CNTNAP5: variants seen among roughly 807,000 people sequenced by gnomAD.
The protein encoded by CNTNAP5 is contactin associated protein family member 5, also known as contactin-associated protein-like 5.
Under a neutral mutation model 150.2 loss-of-function variants are expected in CNTNAP5, and 72 were observed. That is an observed-to-expected ratio of 0.48 (90% CI 0.40 to 0.58). CNTNAP5 has a LOEUF of 0.58. Among genes scored for constraint, CNTNAP5 ranks in the 20% least tolerant of loss-of-function variants. The pLI is 0.00. For synonymous variants in CNTNAP5, 672 were observed against 619.8 expected (o/e 1.08, Z -1.25); for missense variants, 1,636 against 1,626.2 (o/e 1.01, Z -0.10).
At chr2:124,337,879 A>G (rs1277196177) in intron 3 of CNTNAP5, among the ~76,000 whole-genome samples, 5 of 151,972 alleles carry the variant, frequency 3.3e-5, no homozygotes, top group African/African-American at 4.8e-5. Flanking sequence ...TTCCATATGA[A>G]CTTTAAAGTA....
chr2:124,735,705 C>T (rs967058702), intron 13 of CNTNAP5, among the ~76,000 whole-genome samples: 1 of 152,104 alleles, frequency 6.6e-6, no homozygotes, highest in African/African-American at 2.4e-5. Context: ...GGATTTGGAG[C>T]CATAAGATCT....
chr2:124,417,355 A>G (rs1691944823), intron 3 of CNTNAP5, 88 bp from the exon 4 acceptor site: 2 of 1,354,740 alleles, frequency 1.5e-6, no homozygotes, highest in Admixed American at 4.1e-5. Context: ...GTATGTTCTC[A>G]GTACGAGTTC....
At chr2:124,411,252 A>G (rs1436236208) in intron 3 of CNTNAP5, among the ~76,000 whole-genome samples, 1 of 152,140 alleles carries the variant, frequency 6.6e-6, no homozygotes, top group Non-Finnish European at 1.5e-5. Flanking sequence ...TACCAACCAA[A>G]AAGAGTCCAG....
At chr2:124,692,555 G>C (rs750636244) in intron 13 of CNTNAP5, among the ~76,000 whole-genome samples, 11 of 152,090 alleles carry the variant, frequency 7.2e-5, no homozygotes, top group African/African-American at 2.7e-4. Flanking sequence ...GTTGGAAGGG[G>C]GAAGGAAAGA....
intron 3 of CNTNAP5, among the ~76,000 whole-genome samples, chr2:124,391,171 A>T (rs905716702): frequency 6.6e-6 from 1 of 152,230 alleles, no homozygotes; most frequent in Non-Finnish European, 1.5e-5. Context: ...CTAGGAAATT[A>T]ACTAAAATAA....
intron 3 of CNTNAP5, among the ~76,000 whole-genome samples, chr2:124,333,306 A>G (rs1290717107): frequency 6.6e-6 from 1 of 151,862 alleles, no homozygotes; most frequent in Non-Finnish European, 1.5e-5. Context: ...ACACACAAAC[A>G]AAAAAACAAA....
At chr2:124,720,845 G>A (rs1680034291) in intron 13 of CNTNAP5, among the ~76,000 whole-genome samples, 1 of 152,180 alleles carries the variant, frequency 6.6e-6, no homozygotes, top group Non-Finnish European at 1.5e-5. Flanking sequence ...TTTAAAGGCT[G>A]ATAATTAGTT....
chr2:124,103,970 TAATC>T (rs1272337463), intron 1 of CNTNAP5, among the ~76,000 whole-genome samples: 1 of 147,698 alleles, frequency 6.8e-6, no homozygotes, highest in Non-Finnish European at 1.5e-5. Context: ...AAAATATAGT[TAATC>T]ATAATAATAT....
chr2:124,134,867 T>G (rs2104607547), intron 1 of CNTNAP5, among the ~76,000 whole-genome samples: 1 of 152,326 alleles, frequency 6.6e-6, no homozygotes, highest in South Asian at 2.1e-4. Flanking sequence ...TAAACTAGGC[T>G]TCAAATTGTG....
chr2:124,267,193 A>G (rs893604227), intron 3 of CNTNAP5, among the ~76,000 whole-genome samples: 5 of 152,188 alleles, frequency 3.3e-5, no homozygotes, highest in African/African-American at 1.2e-4. Context: ...TCAAAAGCAT[A>G]CTTGAAAAGT....
chr2:124,337,691 C>G (rs1004039680), intron 3 of CNTNAP5, among the ~76,000 whole-genome samples: 1 of 151,964 alleles, frequency 6.6e-6, no homozygotes, highest in Admixed American at 6.6e-5. Flanking sequence ...TGTAGATATG[C>G]GGCATTATTT....
At chr2:124,235,148 A>C (rs1686717912) in intron 2 of CNTNAP5, among the ~76,000 whole-genome samples, 1 of 152,152 alleles carries the variant, frequency 6.6e-6, no homozygotes, top group African/African-American at 2.4e-5. Context: ...ACTACACTGT[A>C]AAGTCTGTCA....
At chr2:124,831,326 A>T (rs969072733) in intron 19 of CNTNAP5, among the ~76,000 whole-genome samples, 2 of 151,870 alleles carry the variant, frequency 1.3e-5, no homozygotes, top group African/African-American at 4.8e-5. Flanking sequence ...CAAGATTAAT[A>T]TCTTTCCTCT....
chr2:124,714,042 TC>T (rs1461826616), intron 13 of CNTNAP5, among the ~76,000 whole-genome samples: 2 of 152,110 alleles, frequency 1.3e-5, no homozygotes, highest in Non-Finnish European at 2.9e-5. Context: ...GCTCTTTTTT[TC>T]CCCCCAAACA....
chr2:124,679,731 A>G (rs2105067226), intron 13 of CNTNAP5, among the ~76,000 whole-genome samples: 1 of 151,560 alleles, frequency 6.6e-6, no homozygotes. Context: ...TGCCTGGCTA[A>G]TTTTTGTAAT....
chr2:124,300,650 G>A (rs2115890), intron 3 of CNTNAP5, among the ~76,000 whole-genome samples: 113,879 of 152,112 alleles, frequency 0.75, 42,920 homozygotes, highest in East Asian at 0.91. Flanking sequence ...AGGCCACATG[G>A]AAGAGGTTAG....
chr2:124,718,785 A>C (rs1241556679), intron 13 of CNTNAP5, among the ~76,000 whole-genome samples: 1 of 152,040 alleles, frequency 6.6e-6, no homozygotes, highest in African/African-American at 2.4e-5. Flanking sequence ...CTACTAAAAA[A>C]ACACAAAAAA....
At chr2:124,369,122 C>T (rs1690452716) in intron 3 of CNTNAP5, among the ~76,000 whole-genome samples, 1 of 152,098 alleles carries the variant, frequency 6.6e-6, no homozygotes, top group South Asian at 2.1e-4. Context: ...TGTCTTACAG[C>T]TCTGGGTAGT....
intron 1 of CNTNAP5, among the ~76,000 whole-genome samples, chr2:124,187,069 T>A (rs1427068435): frequency 2.0e-5 from 3 of 151,906 alleles, no homozygotes; most frequent in Admixed American, 1.3e-4. Flanking sequence ...ATTGACCACA[T>A]CTCCTGTGAC....
Sources: allele counts gnomAD v4.1 joint callset (sites outside exome capture counted in the v4.1 genomes callset), GRCh38; gene constraint gnomAD v4.1.1; transcripts MANE v1.5; gene names NCBI Gene and HGNC (gene_info 2026-07-23, HGNC 2026-07-21).